Variants in XKR4 observed in about 807,000 individuals in gnomAD.
XKR4 encodes the protein XK related 4.
Under a neutral mutation model 53.9 loss-of-function variants are expected in XKR4, and 12 were observed. The ratio of observed to expected loss-of-function variants is 0.22; its 90% CI spans 0.14 to 0.36. The LOEUF (loss-of-function observed/expected upper bound fraction) is 0.36, where lower values mean the gene tolerates loss of function less well. XKR4 is among the 10% of genes least tolerant of loss of function. The probability of loss-of-function intolerance (pLI) is 1.00; values close to 1 mark genes in which losing one functional copy is unlikely to be tolerated. For synonymous variants in XKR4, 354 were observed against 362.4 expected, an observed-to-expected ratio of 0.98 and a Z score of 0.26; for missense variants, 799 against 859.5, an observed-to-expected ratio of 0.93 and a Z score of 0.88.
Position 55,439,514 on chromosome 8 carries a change from A to G in XKR4, c.1006+81637A>G, listed in dbSNP as rs191345993. 1.4e-3 allele frequency among the ~76,000 whole-genome samples: 214 copies of G among 152,354 alleles called. 4 individuals are homozygous for G. The South Asian group carries it at 0.03, about 22-fold the overall frequency. ...AAAGAAATGAAAGCATGGTGCAAGAATAAGAGGCAATCAGGTAGAGTAGGG... is the reference window on the plus strand; with the variant it reads ...AAAGAAATGAAAGCATGGTGCAAGAGTAAGAGGCAATCAGGTAGAGTAGGG... On this transcript the variant is annotated intron_variant, in intron 2 of 2. Transcript: ENST00000327381.
At chr8:55,461,235 G>C (rs1563356983) in intron 2 of XKR4, among the ~76,000 whole-genome samples, 2 of 152,210 alleles carry the variant, frequency 1.3e-5, no homozygotes, top group Non-Finnish European at 2.9e-5. Context: ...AGTAGGGGCG[G>C]ACTGACACCT....
intron 1 of XKR4, among the ~76,000 whole-genome samples, chr8:55,299,639 A>G (rs1819153756): frequency 6.6e-6 from 1 of 152,162 alleles, no homozygotes; most frequent in Non-Finnish European, 1.5e-5. Context: ...AAGATGCAAC[A>G]TATTGGGATA....
At chr8:55,251,225 T>C (rs1002486250) in intron 1 of XKR4, among the ~76,000 whole-genome samples, 2 of 152,214 alleles carry the variant, frequency 1.3e-5, no homozygotes, top group Non-Finnish European at 2.9e-5. Context: ...GGTATAGACA[T>C]TGGCATAGGT....
rs545422047 is a variant in XKR4, at chr8:55,540,987, A to G, written c.*16760A>G. On this transcript the variant is annotated 3_prime_UTR_variant, in exon 3 of 3. Coordinates refer to ENST00000327381, the MANE Select transcript of XKR4 (RefSeq NM_052898.2). ...TAATAACATCTAATAGAAAAATAGA[A>G]ACATCGTGCTTAGCATGAAACCATT... 109 of 152,338 alleles carry G rather than the reference A, an allele frequency of 7.2e-4. No individual in the cohort carries two copies. The highest frequency in any genetic ancestry group is 2.4e-3 in the African/African-American group (99 of 41,576). The allele number at this position is 152,338 out of a possible 1,614,324, so 9.4% of individuals were successfully genotyped here.
chr8:55,398,744 G>A (rs1804558637), intron 2 of XKR4, among the ~76,000 whole-genome samples: 1 of 152,180 alleles, frequency 6.6e-6, no homozygotes, highest in African/African-American at 2.4e-5. Flanking sequence ...TGAGGAAACA[G>A]GACTTGATAG....
chr8:55,281,508 G>A (rs1436041969), intron 1 of XKR4, among the ~76,000 whole-genome samples: 1 of 152,120 alleles, frequency 6.6e-6, no homozygotes, highest in African/African-American at 2.4e-5. Flanking sequence ...AAAAAATACT[G>A]ATTTCAGATG....
At chr8:55,184,218 T>C (rs1012135776) in intron 1 of XKR4, among the ~76,000 whole-genome samples, 5 of 152,196 alleles carry the variant, frequency 3.3e-5, no homozygotes, top group African/African-American at 1.2e-4. Context: ...TGACCCCAGA[T>C]GCATCTTGGT....
intron 1 of XKR4, among the ~76,000 whole-genome samples, chr8:55,330,904 G>A (rs1344092211): frequency 1.3e-5 from 2 of 152,096 alleles, no homozygotes; most frequent in Non-Finnish European, 2.9e-5. Context: ...CAAGTTGTGA[G>A]TCCATGGAAT....
At chr8:55,182,601 A>G (rs1298647227) in intron 1 of XKR4, among the ~76,000 whole-genome samples, 2 of 152,090 alleles carry the variant, frequency 1.3e-5, no homozygotes, top group Admixed American at 1.3e-4. Context: ...AAATTGATTG[A>G]CTATATTTGT....
chr8:55,453,967 C>A (rs961940149), intron 2 of XKR4: 63 of 722,756 alleles, frequency 8.7e-5, no homozygotes, highest in African/African-American at 8.4e-4. Flanking sequence ...CACACTGGCC[C>A]AGGAAGGCTG....
intron 2 of XKR4, among the ~76,000 whole-genome samples, chr8:55,457,472 A>T (rs1164916781): frequency 6.6e-6 from 1 of 152,160 alleles, no homozygotes. Flanking sequence ...TCAACCAAGA[A>T]TTCTGTGTCC....
At chr8:55,237,696 G>A (rs985788533) in intron 1 of XKR4, among the ~76,000 whole-genome samples, 2 of 152,178 alleles carry the variant, frequency 1.3e-5, no homozygotes, top group African/African-American at 4.8e-5. Context: ...ACTAATACAA[G>A]GACTAAAGGG....
At chr8:55,448,590 A>G (rs1805377804) in intron 2 of XKR4, among the ~76,000 whole-genome samples, 1 of 152,154 alleles carries the variant, frequency 6.6e-6, no homozygotes, top group Non-Finnish European at 1.5e-5. Context: ...AGCACATTTT[A>G]TTTATTTTTC....
At chr8:55,375,799 A>G (rs1487542059) in intron 2 of XKR4, among the ~76,000 whole-genome samples, 16 of 151,400 alleles carry the variant, frequency 1.1e-4, no homozygotes, top group Admixed American at 1.1e-3. Context: ...AATGTGTGCC[A>G]TGGTGGTTTG....
At chr8:55,334,148 A>G (rs924966607) in intron 1 of XKR4, among the ~76,000 whole-genome samples, 1 of 152,196 alleles carries the variant, frequency 6.6e-6, no homozygotes, top group African/African-American at 2.4e-5. Context: ...AACATAGAGG[A>G]CATTACCTCA....
In XKR4 at chr8:55,524,931, C is replaced by G. The variant is rs143591798; in HGVS notation, c.*704C>G. On this transcript the variant is annotated 3_prime_UTR_variant, in exon 3 of 3. Coordinates refer to ENST00000327381, the MANE Select transcript of XKR4 (RefSeq NM_052898.2). ...TTTCAGTTGCGAACATCCTTTTTGA[C>G]AGAAATCCTATGCAGCCCATGTACG... 4 of 152,584 alleles carry G rather than the reference C, an allele frequency of 2.6e-5. No homozygotes were observed. The East Asian group carries it at 7.7e-4, about 29-fold the overall frequency. 9.5% of individuals were successfully genotyped at this position (152,584 alleles called of 1,614,324 possible). A position where few individuals can be genotyped will look rare whatever the true frequency, so the allele number is the denominator to read the frequency against.
At chr8:55,277,036 A>T (rs1198996509) in intron 1 of XKR4, among the ~76,000 whole-genome samples, 1 of 152,248 alleles carries the variant, frequency 6.6e-6, no homozygotes. Context: ...GCTGAGTCTG[A>T]CAGCACTTAG....
In XKR4 at chr8:55,450,102, C is replaced by T. The variant is rs1185414462; in HGVS notation, c.1007-73179C>T. 9 of 709,732 alleles carry T rather than the reference C, an allele frequency of 1.3e-5. 1 individual carries two copies. The highest frequency in any genetic ancestry group is 1.8e-5 in the Non-Finnish European group (7 of 385,506). The allele number at this position is 709,732 out of a possible 1,614,324, so 44.0% of individuals were successfully genotyped here. On this transcript the variant is annotated intron_variant, in intron 2 of 2. Coordinates refer to ENST00000327381, the MANE Select transcript of XKR4 (RefSeq NM_052898.2). The stretch of plus-strand genomic sequence containing the variant: ...CAGCCTTCACGCGGTCCCAGGTGTC[C>T]TTCCAGCGCTTAGCGGGTCGGCTCA...
intron 1 of XKR4, among the ~76,000 whole-genome samples, chr8:55,301,171 G>C (rs1203808910): frequency 2.3e-5 from 2 of 86,296 alleles, no homozygotes; most frequent in Non-Finnish European, 4.3e-5. Context: ...ACAGACCCCG[G>C]AGTGTGATGT....
Sources: gnomAD v4.1 joint callset for allele counts (sites outside exome capture counted in the v4.1 genomes callset) on GRCh38, gnomAD v4.1.1 for gene constraint, MANE v1.5 for transcripts, NCBI Gene and HGNC (gene_info 2026-07-23, HGNC 2026-07-21) for gene names.